RNGTT: variants seen among roughly 807,000 people sequenced by gnomAD.
The protein encoded by RNGTT is mRNA-capping enzyme.
A neutral mutation model predicts 79.3 loss-of-function variants in RNGTT; 33 were observed. The observed-to-expected ratio is 0.42, with a 90% confidence interval of 0.32 to 0.56. RNGTT has a LOEUF of 0.56. Among genes scored for constraint, RNGTT ranks in the 20% least tolerant of loss-of-function variants. The probability of loss-of-function intolerance (pLI) is 0.17; values close to 1 mark genes in which losing one functional copy is unlikely to be tolerated. For synonymous variants in RNGTT, 222 were observed against 235.9 expected (o/e 0.94, Z 0.54); for missense variants, 497 against 739.1 (o/e 0.67, Z 3.80).
chr6:88,963,288 G>A, intron 1 of RNGTT, 58 bp downstream of exon 1: 1 of 1,572,804 alleles, frequency 6.4e-7, no homozygotes, highest in East Asian at 2.3e-5. Flanking sequence ...CTCCTCAGTC[G>A]GCCCACCCCC....
chr6:88,897,497 T>C (rs1279363551), intron 6 of RNGTT, among the ~76,000 whole-genome samples: 1 of 152,194 alleles, frequency 6.6e-6, no homozygotes, highest in African/African-American at 2.4e-5. Context: ...TTCATTGACT[T>C]CACTAGCTCC....
At position 88,844,536 on chromosome 6, in the gene RNGTT, G is replaced by T; in HGVS notation, c.1105-15C>A. On this transcript the variant is annotated splice_polypyrimidine_tract_variant and intron_variant, in intron 10 of 15. Transcript: ENST00000369485. ...ACGGGCTGTGACTGAATTAAATAAA[G>T]AATTAGTTAAATTTCAACACTAACA... The T allele has an allele frequency of 6.3e-7, 1 of 1,594,344 alleles. No homozygotes were observed. Among genetic ancestry groups the T allele is most frequent in the Non-Finnish European group, 8.5e-7 (1 of 1,172,500 alleles).
chr6:88,717,488 T>C (rs1406202031), intron 13 of RNGTT, among the ~76,000 whole-genome samples: 1 of 152,242 alleles, frequency 6.6e-6, no homozygotes, highest in African/African-American at 2.4e-5. Flanking sequence ...ATGCATAATA[T>C]AACTTTTGTA....
intron 13 of RNGTT, among the ~76,000 whole-genome samples, chr6:88,718,247 C>T (rs902895493): frequency 1.3e-5 from 2 of 151,890 alleles, no homozygotes; most frequent in Non-Finnish European, 2.9e-5. Flanking sequence ...ATCAGCCGGG[C>T]GTAGTGGCAC....
In RNGTT at chr6:88,883,703, T is replaced by C. The variant is rs181259234; in HGVS notation, c.896+6792A>G. On this transcript the variant is annotated intron_variant, in intron 8 of 15. Transcript: ENST00000369485. ...AACCATACAAATATTAGAAGAAATATGAGAGAATTCTTCTTCAATCTCAGT... is the reference window on the plus strand; with the variant it reads ...AACCATACAAATATTAGAAGAAATACGAGAGAATTCTTCTTCAATCTCAGT... 1.5e-3 allele frequency among the ~76,000 whole-genome samples: 221 copies of C among 152,268 alleles called. 3 individuals carry two copies. The highest frequency in any genetic ancestry group is 2.5e-3 in the Non-Finnish European group (169 of 67,998).
intron 14 of RNGTT, among the ~76,000 whole-genome samples, chr6:88,660,512 C>A (rs1289349910): frequency 7.2e-6 from 1 of 138,902 alleles, no homozygotes; most frequent in African/African-American, 3.2e-5. Context: ...AGTGGCTATT[C>A]TTATATTAGA....
intron 12 of RNGTT, among the ~76,000 whole-genome samples, chr6:88,798,082 C>A (rs774382780): frequency 6.6e-6 from 1 of 151,572 alleles, no homozygotes; most frequent in South Asian, 2.1e-4. Flanking sequence ...TTTTTTAAAT[C>A]ATGGATAGGC....
At chr6:88,744,454 G>A (rs1387647465) in intron 13 of RNGTT, among the ~76,000 whole-genome samples, 1 of 151,972 alleles carries the variant, frequency 6.6e-6, no homozygotes, top group African/African-American at 2.4e-5. Flanking sequence ...TAGAGATGAG[G>A]TTTCACCATG....
chr6:88,791,993 T>C (rs1367154370), intron 12 of RNGTT, among the ~76,000 whole-genome samples: 1 of 152,214 alleles, frequency 6.6e-6, no homozygotes, highest in Non-Finnish European at 1.5e-5. Flanking sequence ...TTGCTTACCT[T>C]AAATAACCAG....
intron 13 of RNGTT, among the ~76,000 whole-genome samples, chr6:88,741,744 T>A (rs909816155): frequency 1.3e-5 from 2 of 152,144 alleles, no homozygotes; most frequent in Admixed American, 6.5e-5. Context: ...AGTAATTAGA[T>A]ACAAAAAATT....
intron 13 of RNGTT, among the ~76,000 whole-genome samples, chr6:88,716,480 T>C (rs1582374784): frequency 6.6e-6 from 1 of 152,134 alleles, no homozygotes; most frequent in Non-Finnish European, 1.5e-5. Flanking sequence ...CATACCCAAA[T>C]GACTATAAAT....
At chr6:88,663,606 C>G (rs181338929) in intron 14 of RNGTT, among the ~76,000 whole-genome samples, 1 of 152,120 alleles carries the variant, frequency 6.6e-6, no homozygotes, top group Non-Finnish European at 1.5e-5. Context: ...AGAAATGGCA[C>G]CAATGGTGCC....
chr6:88,728,914 G>A lies in RNGTT; in HGVS notation c.1439+40860C>T, dbSNP rs146368169. Among the ~76,000 whole-genome samples the A allele has an allele frequency of 2.3e-3, 344 of 152,310 alleles. 1 individual carries two copies. Among genetic ancestry groups the A allele is most frequent in the African/African-American group, 8.0e-3 (331 of 41,570 alleles). ...AATAGATCAAATATTCCCTCCGCAC[G>A]TTAAACAAAAGCAATTGTTATGCTT... On this transcript the variant is annotated intron_variant, in intron 13 of 15. Coordinates refer to ENST00000369485, the MANE Select transcript of RNGTT (RefSeq NM_003800.5).
chr6:88,700,513 C>G (rs1379630781), intron 13 of RNGTT, among the ~76,000 whole-genome samples: 6 of 152,222 alleles, frequency 3.9e-5, no homozygotes, highest in Admixed American at 3.9e-4. Context: ...CTCTTATTTT[C>G]TTCCATTATG....
At chr6:88,940,955 C>G (rs1013275851) in intron 2 of RNGTT, 116 bp downstream of exon 2, 2 of 563,134 alleles carry the variant, frequency 3.6e-6, no homozygotes, top group African/African-American at 3.8e-5. Context: ...ATTACTGCAA[C>G]TTCCCTTGAG....
In RNGTT at chr6:88,645,967, C is replaced by A. The variant is rs550357570; in HGVS notation, c.1507-31572G>T. 5.3e-5 allele frequency among the ~76,000 whole-genome samples: 8 copies of A among 152,232 alleles called. No individual in the cohort carries two copies. The South Asian group carries it at 1.5e-3, about 28-fold the overall frequency. ...GGCAAGGACTTCACGTCTAAAACAC[C>A]AAAAGCAATGGCAACAAAAGCCAAA... On this transcript the variant is annotated intron_variant, in intron 14 of 15. Coordinates refer to ENST00000369485, the MANE Select transcript of RNGTT (RefSeq NM_003800.5).
chr6:88,744,809 A>G (rs987391333), intron 13 of RNGTT, among the ~76,000 whole-genome samples: 15 of 152,192 alleles, frequency 9.9e-5, no homozygotes, highest in African/African-American at 3.6e-4. Context: ...ATCTGCTATC[A>G]TGACAATTAA....
rs1027608971 is a variant in RNGTT, at chr6:88,847,370, A to G, written c.1104+2385T>C. Reference sequence around the variant, plus strand: ...GAGAGTCAGAGGGTGAAAAAAAAAGATGATTGATGAAATTCTTTCTGGACA... The same window carrying G: ...GAGAGTCAGAGGGTGAAAAAAAAAGGTGATTGATGAAATTCTTTCTGGACA... On this transcript the variant is annotated intron_variant, in intron 10 of 15. Coordinates refer to ENST00000369485, the MANE Select transcript of RNGTT (RefSeq NM_003800.5). 2.0e-4 allele frequency among the ~76,000 whole-genome samples: 30 copies of G among 152,256 alleles called. 1 individual carries two copies. Among genetic ancestry groups the G allele is most frequent in the African/African-American group, 7.0e-4 (29 of 41,572 alleles).
At chr6:88,689,594 C>CAAA (rs71554788) in intron 13 of RNGTT, among the ~76,000 whole-genome samples, 13,795 of 97,058 alleles carry the variant, frequency 0.14, 798 homozygotes, top group Middle Eastern at 0.29. Flanking sequence ...GACTCTGTCT[C>CAAA]AAAAAAAAAA....
Sources: gnomAD v4.1 joint callset for allele counts (sites outside exome capture counted in the v4.1 genomes callset) on GRCh38, gnomAD v4.1.1 for gene constraint, MANE v1.5 for transcripts, NCBI Gene and HGNC (gene_info 2026-07-23, HGNC 2026-07-21) for gene names.